DIAPH2: variants seen among roughly 807,000 people sequenced by gnomAD.
The protein encoded by DIAPH2 is diaphanous related formin 2, also known as protein diaphanous homolog 2.
DIAPH2 carries 35 observed loss-of-function variants against 92.7 expected under a neutral mutation model. That is an observed-to-expected ratio of 0.38 (90% confidence interval 0.29 to 0.50). DIAPH2 has a LOEUF of 0.50. Ranked by LOEUF, DIAPH2 falls within the 20% of genes least tolerant of loss-of-function variation. The probability of loss-of-function intolerance (pLI) is 0.94; values close to 1 mark genes in which losing one functional copy is unlikely to be tolerated. For synonymous variants in DIAPH2, 301 were observed against 280.4 expected, an observed-to-expected ratio of 1.07 and a Z score of -0.73; for missense variants, 701 against 819.5, an observed-to-expected ratio of 0.86 and a Z score of 1.77.
intron 26 of DIAPH2, among the ~76,000 whole-genome samples, chrX:97,535,554 C>G (rs765062822): frequency 9.0e-6 from 1 of 111,259 alleles, no homozygotes; most frequent in Non-Finnish European, 1.9e-5. Context: ...TGGGTTCAAG[C>G]GATTCTCCTG....
intron 17 of DIAPH2, among the ~76,000 whole-genome samples, chrX:97,033,532 A>G (rs2066390743): frequency 8.9e-6 from 1 of 111,875 alleles, no homozygotes; most frequent in South Asian, 3.7e-4. Flanking sequence ...GAATTTTATG[A>G]ATTATTTAAA....
intron 21 of DIAPH2, among the ~76,000 whole-genome samples, chrX:97,130,930 C>A (rs1055671954): frequency 9.1e-6 from 1 of 110,225 alleles, no homozygotes; most frequent in Non-Finnish European, 1.9e-5. Flanking sequence ...CATGGCAAAA[C>A]CCCATCTCTA....
chrX:96,958,177 T>C (rs772660174), intron 16 of DIAPH2, 29 bp downstream of exon 16: 76 of 1,190,176 alleles, frequency 6.4e-5, no homozygotes, highest in African/African-American at 5.2e-4. Flanking sequence ...TTTTTTTACT[T>C]TGTCTAGCTT....
chrX:97,357,838 G>C (rs779683128), intron 24 of DIAPH2, among the ~76,000 whole-genome samples: 1 of 112,156 alleles, frequency 8.9e-6, no homozygotes, highest in Non-Finnish European at 1.9e-5. Flanking sequence ...TGTAAGCACA[G>C]AGCAGTGAGG....
chrX:97,250,628 T>A (rs1356815726), intron 23 of DIAPH2, among the ~76,000 whole-genome samples: 3 of 111,583 alleles, frequency 2.7e-5, no homozygotes, highest in Non-Finnish European at 3.8e-5. Flanking sequence ...ATGGCAGAGA[T>A]TATGTATGGT....
At chrX:97,258,870 C>CAAA (rs141981932) in intron 23 of DIAPH2, among the ~76,000 whole-genome samples, 164 of 38,752 alleles carry the variant, frequency 4.2e-3, no homozygotes, top group South Asian at 6.3e-3. Context: ...GACTCCGTCT[C>CAAA]AAAAAAAAAA....
intron 23 of DIAPH2, among the ~76,000 whole-genome samples, chrX:97,302,233 A>AAAAAAG (rs1556021678): frequency 2.2e-5 from 2 of 88,906 alleles, no homozygotes; most frequent in Admixed American, 1.4e-4. Flanking sequence ...AAAAAAAAAA[A>AAAAAAG]GTATTGGACA....
At chrX:96,709,556 G>T (rs1208117130) in intron 1 of DIAPH2, among the ~76,000 whole-genome samples, 1 of 111,740 alleles carries the variant, frequency 8.9e-6, no homozygotes, top group Non-Finnish European at 1.9e-5. Flanking sequence ...TTTATGAAAG[G>T]AAGATGCTCT....
At chrX:97,064,486 A>G (rs2066620710) in intron 17 of DIAPH2, among the ~76,000 whole-genome samples, 2 of 110,426 alleles carry the variant, frequency 1.8e-5, no homozygotes, top group South Asian at 7.9e-4. Flanking sequence ...GCTGGACTAG[A>G]TAAGTATGGA....
chrX:96,853,397 A>G (rs2065017059), intron 4 of DIAPH2, among the ~76,000 whole-genome samples: 1 of 111,811 alleles, frequency 8.9e-6, no homozygotes, highest in Non-Finnish European at 1.9e-5. Flanking sequence ...AAAATAATGA[A>G]GTTCTAATAT....
chrX:97,064,979 G>A (rs1236085149), intron 17 of DIAPH2, among the ~76,000 whole-genome samples: 1 of 111,068 alleles, frequency 9.0e-6, no homozygotes, highest in Non-Finnish European at 1.9e-5. Flanking sequence ...TCTGCACCAA[G>A]CTGAGATGGA....
At chrX:97,334,718 C>T (rs984428487) in intron 23 of DIAPH2, among the ~76,000 whole-genome samples, 2 of 107,539 alleles carry the variant, frequency 1.9e-5, no homozygotes, top group Non-Finnish European at 1.9e-5. Flanking sequence ...CACGGTGGCT[C>T]ACGCCTGTAA....
At position 97,363,440 on chromosome X, in the gene DIAPH2, T is replaced by G. The variant is rs181475541; in HGVS notation, c.3009+15160T>G. On this transcript the variant is annotated intron_variant, in intron 24 of 26. Coordinates refer to ENST00000324765, the MANE Select transcript of DIAPH2 (RefSeq NM_006729.5). ...GGGAGGCTGAGGTGGGCGGGTCACT[T>G]TAGGCCAGGAGTTCGAGACCAGCCT... Among the ~76,000 whole-genome samples, 999 of 108,898 alleles carry G rather than the reference T, an allele frequency of 9.2e-3. 15 individuals carry two copies. The highest frequency in any genetic ancestry group is 0.031 in the African/African-American group (936 of 29,962). The allele number at this position is 108,898 out of a possible 115,157, so 94.6% of individuals were successfully genotyped here. A position where few individuals can be genotyped will look rare whatever the true frequency, so the allele number is the denominator to read the frequency against.
At chrX:96,948,249 A>C (rs1340098561) in intron 14 of DIAPH2, among the ~76,000 whole-genome samples, 2 of 112,415 alleles carry the variant, frequency 1.8e-5, no homozygotes, top group African/African-American at 6.5e-5. Flanking sequence ...GTTTATTTTT[A>C]GATTTCATTT....
chrX:97,256,010 C>G (rs1358526302), intron 23 of DIAPH2, among the ~76,000 whole-genome samples: 1 of 112,041 alleles, frequency 8.9e-6, no homozygotes, highest in Non-Finnish European at 1.9e-5. Flanking sequence ...TTTCAGGCCA[C>G]AAGAGACTCA....
At chrX:96,985,660 T>C (rs1294748848) in intron 17 of DIAPH2, among the ~76,000 whole-genome samples, 1 of 111,188 alleles carries the variant, frequency 9.0e-6, no homozygotes, top group African/African-American at 3.3e-5. Context: ...TCTTTTGATA[T>C]GTGTATTGAT....
chrX:97,208,775 T>C (rs1385056867), intron 22 of DIAPH2, among the ~76,000 whole-genome samples: 1 of 111,505 alleles, frequency 9.0e-6, no homozygotes, highest in Non-Finnish European at 1.9e-5. Flanking sequence ...TTTGCATTAT[T>C]TCAATTTTTA....
chrX:96,997,391 G>A (rs1042617874), intron 17 of DIAPH2, among the ~76,000 whole-genome samples: 5 of 111,397 alleles, frequency 4.5e-5, no homozygotes, highest in South Asian at 3.8e-4. Flanking sequence ...TTGCCTCAGT[G>A]TGTAAGATAA....
intron 26 of DIAPH2, among the ~76,000 whole-genome samples, chrX:97,537,824 G>A (rs1569419922): frequency 9.0e-6 from 1 of 110,994 alleles, no homozygotes; most frequent in Non-Finnish European, 1.9e-5. Context: ...TTGATCAGTG[G>A]CTTGACTATA....
Sources: gnomAD v4.1 joint callset for allele counts (sites outside exome capture counted in the v4.1 genomes callset) on GRCh38, gnomAD v4.1.1 for gene constraint, MANE v1.5 for transcripts, NCBI Gene and HGNC (gene_info 2026-07-23, HGNC 2026-07-21) for gene names.